DCUN1D4: variants seen among roughly 807,000 people sequenced by gnomAD.
DCUN1D4 encodes the protein DCN1-like protein 4.
DCUN1D4 carries 22 observed loss-of-function variants against 47.9 expected under a neutral mutation model. That is an observed-to-expected ratio of 0.46 (90% CI 0.33 to 0.66). The LOEUF (loss-of-function observed/expected upper bound fraction) is 0.66. DCUN1D4 is among the 30% of genes least tolerant of loss of function. The probability of loss-of-function intolerance (pLI) is 0.02; values close to 1 mark genes in which losing one functional copy is unlikely to be tolerated. For synonymous variants in DCUN1D4, 121 were observed against 112.2 expected (o/e 1.08, Z -0.50); for missense variants, 301 against 340.8 (o/e 0.88, Z 0.92).
chr4:51,889,308 G>A (rs1243915521), intron 6 of DCUN1D4, among the ~76,000 whole-genome samples: 1 of 152,150 alleles, frequency 6.6e-6, no homozygotes, highest in African/African-American at 2.4e-5. Flanking sequence ...CTGAAATATG[G>A]TGTTTTCAAG....
intron 1 of DCUN1D4, chr4:51,844,809 G>T (rs1722254561): frequency 2.0e-6 from 2 of 985,028 alleles, no homozygotes; most frequent in Admixed American, 1.2e-4. Context: ...GCCCGGCCGC[G>T]GTTGGGTTGG....
At chr4:51,899,554 T>G (rs2271045) in intron 8 of DCUN1D4, among the ~76,000 whole-genome samples, 176 bp downstream of exon 8, 63,653 of 151,982 alleles carry the variant, frequency 0.42, 16,027 homozygotes, top group African/African-American at 0.7. Context: ...TTGATTCTGG[T>G]CAAACATTCT....
chr4:51,887,938 G>C (rs1729771672), intron 6 of DCUN1D4, among the ~76,000 whole-genome samples: 1 of 147,210 alleles, frequency 6.8e-6, no homozygotes, highest in African/African-American at 2.5e-5. Context: ...TTCCAGTTCA[G>C]GTATTTCAAT....
At chr4:51,902,566 C>G (rs904980144) in intron 8 of DCUN1D4, among the ~76,000 whole-genome samples, 1 of 152,200 alleles carries the variant, frequency 6.6e-6, no homozygotes, top group East Asian at 1.9e-4. Context: ...TTCACTCCAA[C>G]TTTCTTTTTA....
At chr4:51,885,962 G>A (rs1729419085) in intron 5 of DCUN1D4, among the ~76,000 whole-genome samples, 1 of 152,126 alleles carries the variant, frequency 6.6e-6, no homozygotes, top group African/African-American at 2.4e-5. Context: ...TGGAGACCTT[G>A]GCAAAAAGAA....
intron 5 of DCUN1D4, among the ~76,000 whole-genome samples, chr4:51,879,832 C>A (rs1045538437): frequency 2.0e-5 from 3 of 152,310 alleles, no homozygotes; most frequent in African/African-American, 2.4e-5. Context: ...TTGGTACCTT[C>A]CTTTATAAGC....
At chr4:51,869,881 A>T (rs998341242) in intron 3 of DCUN1D4, among the ~76,000 whole-genome samples, 9 of 152,234 alleles carry the variant, frequency 5.9e-5, no homozygotes, top group African/African-American at 2.2e-4. Context: ...CAGTTAAAAA[A>T]TATTTAATTT....
intron 1 of DCUN1D4, chr4:51,843,753 G>C: frequency 8.6e-7 from 1 of 1,167,494 alleles, no homozygotes; most frequent in Non-Finnish European, 1.1e-6. Flanking sequence ...GTGAGTGCGA[G>C]GGGGGCGCGG....
intron 8 of DCUN1D4, among the ~76,000 whole-genome samples, chr4:51,900,540 C>T (rs970186568): frequency 6.6e-6 from 1 of 151,886 alleles, no homozygotes; most frequent in Non-Finnish European, 1.5e-5. Context: ...TTGAGACCAG[C>T]CTGGGTAACA....
rs1030717850 is a variant in DCUN1D4, at chr4:51,914,262, G to A, written c.*678G>A. 1.3e-5 allele frequency: 2 copies of A among 152,146 alleles called. No homozygotes were observed. The highest frequency in any genetic ancestry group is 1.9e-4 in the East Asian group (1 of 5,198). The allele number at this position is 152,146 out of a possible 1,614,324, so 9.4% of individuals were successfully genotyped here. The stretch of plus-strand genomic sequence containing the variant: ...TTTAGTGTTAAAACTATAATAGCTT[G>A]AATATAGGTACCAATGAACAAATTC... On this transcript the variant is annotated 3_prime_UTR_variant, in exon 11 of 11. Transcript: ENST00000334635.
At chr4:51,864,277 C>A (rs1404529943) in intron 3 of DCUN1D4, among the ~76,000 whole-genome samples, 1 of 152,160 alleles carries the variant, frequency 6.6e-6, no homozygotes, top group Admixed American at 6.5e-5. Flanking sequence ...CCAGAGTTTG[C>A]TCCTATGTGA....
Position 51,911,165 on chromosome 4 carries a change from A to G in DCUN1D4, c.711A>G (p.Gln237=), listed in dbSNP as rs901372954. The G allele has an allele frequency of 2.6e-5, 42 of 1,610,596 alleles. No homozygotes were observed. The highest frequency in any genetic ancestry group is 3.3e-5 in the Non-Finnish European group (39 of 1,178,826). Reference sequence around the variant, plus strand: ...GGCCCCTTTTTCCAGTTTTTCACCAATTCTTAGAGGTACCAAATTGTTGTT... The same window carrying G: ...GGCCCCTTTTTCCAGTTTTTCACCAGTTCTTAGAGGTACCAAATTGTTGTT... ...KIWPLFPVFH[Q]FLEQSKYKVI... The change falls in exon 9 of 11, where the codon CAA becomes CAG. Residue 237 remains glutamine (Q), a synonymous_variant. Transcript: ENST00000334635.
chr4:51,916,517 A>G lies in DCUN1D4; in HGVS notation c.*2933A>G, dbSNP rs1008474985. 4 of 152,706 alleles carry G rather than the reference A, an allele frequency of 2.6e-5. No individual in the cohort carries two copies. The South Asian group carries it at 8.3e-4, about 32-fold the overall frequency. The allele number at this position is 152,706 out of a possible 1,614,324, so 9.5% of individuals were successfully genotyped here. On this transcript the variant is annotated 3_prime_UTR_variant, in exon 11 of 11. Transcript: ENST00000334635. ...TATCCTTTATTCTTTCATATGTTGT[A>G]TAATAAATGTATAGATTTCATTGAC... is the stretch of plus-strand genomic sequence containing the variant.
chr4:51,899,156 T>C, intron 7 of DCUN1D4, 114 bp from the exon 8 acceptor site: 1 of 1,404,512 alleles, frequency 7.1e-7, no homozygotes, highest in Non-Finnish European at 9.3e-7. Context: ...TATGGATGTG[T>C]TTCAACTTCA....
intron 5 of DCUN1D4, 122 bp from the exon 6 acceptor site, chr4:51,886,444 ATT>A (rs1032194159): frequency 8.2e-6 from 6 of 728,364 alleles, no homozygotes; most frequent in Non-Finnish European, 1.3e-5. Flanking sequence ...CTTAGACTTG[ATT>A]TTTTTTTCCA....
chr4:51,893,579 G>T (rs1372936223), intron 7 of DCUN1D4, among the ~76,000 whole-genome samples: 1 of 151,946 alleles, frequency 6.6e-6, no homozygotes, highest in Non-Finnish European at 1.5e-5. Flanking sequence ...AGCAGACACC[G>T]CCACGCCCGG....
chr4:51,899,821 A>G (rs1450491938), intron 8 of DCUN1D4, among the ~76,000 whole-genome samples: 3 of 152,236 alleles, frequency 2.0e-5, no homozygotes, highest in Admixed American at 1.3e-4. Context: ...AATTTCTTAC[A>G]TTACTTAATG....
intron 1 of DCUN1D4, among the ~76,000 whole-genome samples, chr4:51,862,184 G>T (rs1454916127): frequency 6.6e-6 from 1 of 152,226 alleles, no homozygotes; most frequent in African/African-American, 2.4e-5. Flanking sequence ...GGCTATGACT[G>T]TGAACAGTGC....
chr4:51,894,486 T>C (rs542351257), intron 7 of DCUN1D4, among the ~76,000 whole-genome samples: 1 of 142,610 alleles, frequency 7.0e-6, no homozygotes, highest in Admixed American at 7.5e-5. Flanking sequence ...TCAAAAACCA[T>C]GAGTAAGATA....
Sources: allele counts gnomAD v4.1 joint callset (sites outside exome capture counted in the v4.1 genomes callset), GRCh38; gene constraint gnomAD v4.1.1; transcripts MANE v1.5; gene names NCBI Gene and HGNC (gene_info 2026-07-23, HGNC 2026-07-21).